Variants in TYW1B observed in about 807,000 individuals in gnomAD.
TYW1B encodes the protein tRNA-yW synthesizing protein 1 homolog B.
Under a neutral mutation model 86.9 loss-of-function variants are expected in TYW1B, and 73 were observed. The observed-to-expected ratio is 0.84, with a 90% CI of 0.70 to 1.02. TYW1B has a LOEUF of 1.02. Ranked by LOEUF, TYW1B falls within the 50% of genes least tolerant of loss-of-function variation. The pLI is 0.00. For missense variants in TYW1B, 637 were observed against 827.4 expected, an observed-to-expected ratio of 0.77 and a Z score of 2.82; for synonymous variants, 248 against 292.8, an observed-to-expected ratio of 0.85 and a Z score of 1.56.
intron 9 of TYW1B, among the ~76,000 whole-genome samples, chr7:72,723,372 C>A (rs1786940287): frequency 6.6e-6 from 1 of 152,220 alleles, no homozygotes; most frequent in East Asian, 1.9e-4. Flanking sequence ...TGCCTTCAAG[C>A]CTTTGAAATT....
chr7:72,756,523 C>T (rs1196228473), intron 7 of TYW1B, among the ~76,000 whole-genome samples: 4 of 152,022 alleles, frequency 2.6e-5, no homozygotes, highest in Non-Finnish European at 5.9e-5. Context: ...GTGTGAGCCA[C>T]GACACCCGGC....
chr7:72,750,864 A>T (rs185613588), intron 7 of TYW1B, among the ~76,000 whole-genome samples: 13 of 152,312 alleles, frequency 8.5e-5, no homozygotes, highest in African/African-American at 3.1e-4. Flanking sequence ...CATTCCAATG[A>T]GTATTTCCTT....
At chr7:72,821,132 CA>C (rs1170413244) in intron 2 of TYW1B, among the ~76,000 whole-genome samples, 3 of 152,180 alleles carry the variant, frequency 2.0e-5, no homozygotes, top group Non-Finnish European at 4.4e-5. Context: ...GCCACCACAC[CA>C]GGCTAATTTT....
intron 13 of TYW1B, among the ~76,000 whole-genome samples, chr7:72,608,034 C>CAGAA (rs1162101963): frequency 6.6e-6 from 1 of 152,102 alleles, no homozygotes; most frequent in Admixed American, 6.6e-5. Context: ...CCAGAGAAGT[C>CAGAA]AGAAAGAAAG....
At chr7:72,777,584 A>G (rs1787979031) in intron 6 of TYW1B, 51 bp from the exon 7 acceptor site, 9 of 1,602,654 alleles carry the variant, frequency 5.6e-6, no homozygotes, top group African/African-American at 1.3e-5. Context: ...TGCAATGTAA[A>G]TAACAGCACA....
rs782424404 is a variant in TYW1B, at chr7:72,687,447, T to C, written c.1506+7240A>G. On this transcript the variant is annotated intron_variant, in intron 11 of 13. Transcript: ENST00000620995. ...GAAACTCCACCTCAAAAAAATAAAA[T>C]AAATAAACTGGTAAAGACAGACTGG... is the stretch of plus-strand genomic sequence containing the variant. Among the ~76,000 whole-genome samples the C allele has an allele frequency of 4.6e-4, 70 of 151,992 alleles. 1 individual carries two copies. The highest frequency in any genetic ancestry group is 1.9e-3 in the Admixed American group (29 of 15,248).
chr7:72,780,668 G>A (rs1563091946), intron 6 of TYW1B, among the ~76,000 whole-genome samples: 1 of 152,148 alleles, frequency 6.6e-6, no homozygotes, highest in Non-Finnish European at 1.5e-5. Flanking sequence ...TAAAATGTGA[G>A]TGTTGCAACC....
chr7:72,784,246 G>A (rs782196631), intron 6 of TYW1B, among the ~76,000 whole-genome samples: 5 of 152,096 alleles, frequency 3.3e-5, no homozygotes, highest in Non-Finnish European at 7.4e-5. Context: ...CTGACTCATG[G>A]TTCTCTAAAC....
intron 6 of TYW1B, among the ~76,000 whole-genome samples, chr7:72,787,563 T>C (rs1369636203): frequency 6.6e-6 from 1 of 151,392 alleles, no homozygotes; most frequent in Non-Finnish European, 1.5e-5. Flanking sequence ...ACAAGGTCAA[T>C]GGATCAAGAC....
rs56146824 is a variant in TYW1B, at chr7:72,592,160, T to TAAAAAAA, written c.1786-16448_1786-16442dup. Among the ~76,000 whole-genome samples the TAAAAAAA allele has an allele frequency of 2.0e-3, 207 of 103,350 alleles. 4 individuals are homozygous for TAAAAAAA. The highest frequency in any genetic ancestry group is 8.4e-3 in the African/African-American group (203 of 24,246). 67.8% of individuals were successfully genotyped at this position (103,350 alleles called of 152,430 possible). On this transcript the variant is annotated intron_variant, in intron 13 of 13. Coordinates refer to ENST00000620995, the MANE Select transcript of TYW1B (RefSeq NM_001145440.3). ...TTTCTATGTTAACACACTAATGTGTTAAAAAAAAAAAAAAAAAAAAAAAAA... is the reference window on the plus strand; with the variant it reads ...TTTCTATGTTAACACACTAATGTGTTAAAAAAAAAAAAAAAAAAAAAAAAAAAAAAAA...
intron 11 of TYW1B, among the ~76,000 whole-genome samples, chr7:72,655,702 A>T (rs1813184880): frequency 6.6e-6 from 1 of 152,182 alleles, no homozygotes; most frequent in African/African-American, 2.4e-5. Context: ...GCCTAGGGCC[A>T]TAGTCACCGG....
rs548139646 is a variant in TYW1B at position 72,766,378 on chromosome 7, C to A, written c.964+11038G>T. Among the ~76,000 whole-genome samples, 23 of 151,226 alleles carry A rather than the reference C, an allele frequency of 1.5e-4. No individual in the cohort carries two copies. The South Asian group carries it at 3.8e-3, about 25-fold the overall frequency. On this transcript the variant is annotated intron_variant, in intron 7 of 13. Transcript: ENST00000620995. Reference sequence around the variant, plus strand: ...CGCCTATAATCCCACCTTTGGGAGGCCAAGGCGGGTGGATCACTTGAGGTC... The same window carrying A: ...CGCCTATAATCCCACCTTTGGGAGGACAAGGCGGGTGGATCACTTGAGGTC...
chr7:72,587,184 G>T lies in TYW1B; in HGVS notation c.1786-11465C>A, dbSNP rs549418825. ...TGTTAACTGCGTGGGAGTAGAGGAA[G>T]TCCAGGGGTCGTCTGAGGGAGAAGT... On this transcript the variant is annotated intron_variant, in intron 13 of 13. Transcript: ENST00000620995. Among the ~76,000 whole-genome samples the T allele has an allele frequency of 2.6e-5, 4 of 152,264 alleles. No homozygotes were observed. The East Asian group carries it at 5.8e-4, about 22-fold the overall frequency.
Position 72,828,109 on chromosome 7 carries a change from G to A in TYW1B, c.-34C>T, listed in dbSNP as rs1554481821. ...GAGCCGACAGGAGACTAGGATCTCG[G>A]ACCTGGAGAGCCCAAAGGTTCGCAC... is the stretch of plus-strand genomic sequence containing the variant. On this transcript the variant is annotated 5_prime_UTR_variant, in exon 1 of 14. Coordinates refer to ENST00000620995, the MANE Select transcript of TYW1B (RefSeq NM_001145440.3). 5 of 1,613,422 alleles carry A rather than the reference G, an allele frequency of 3.1e-6. No individual in the cohort carries two copies. The Admixed American group carries it at 8.3e-5, about 27-fold the overall frequency.
intron 11 of TYW1B, among the ~76,000 whole-genome samples, chr7:72,655,940 C>T (rs1813191574): frequency 6.6e-6 from 1 of 152,224 alleles, no homozygotes; most frequent in Admixed American, 6.5e-5. Context: ...CCATGGCACA[C>T]TGCCTGGGGC....
chr7:72,809,782 CT>C (rs1277233654), intron 4 of TYW1B, among the ~76,000 whole-genome samples: 1 of 152,104 alleles, frequency 6.6e-6, no homozygotes, highest in African/African-American at 2.4e-5. Flanking sequence ...GGTGGATCAC[CT>C]GAGGTCAGGA....
At chr7:72,677,235 G>A (rs1813756876) in intron 11 of TYW1B, among the ~76,000 whole-genome samples, 1 of 151,980 alleles carries the variant, frequency 6.6e-6, no homozygotes, top group African/African-American at 2.4e-5. Flanking sequence ...TGCAGCCTCG[G>A]CCTCTTGAGC....
intron 6 of TYW1B, among the ~76,000 whole-genome samples, chr7:72,791,383 G>A (rs189295225): frequency 4.4e-4 from 64 of 146,668 alleles, no homozygotes; most frequent in East Asian, 2.6e-3. Flanking sequence ...TCAATGCAGC[G>A]CGACAGCATT....
chr7:72,721,360 T>C (rs1227085210), intron 9 of TYW1B, among the ~76,000 whole-genome samples: 4 of 152,156 alleles, frequency 2.6e-5, no homozygotes, highest in Non-Finnish European at 5.9e-5. Context: ...TACAGTCCCA[T>C]CAACGGTGTA....
Sources: allele counts gnomAD v4.1 joint callset (sites outside exome capture counted in the v4.1 genomes callset), GRCh38; gene constraint gnomAD v4.1.1; transcripts MANE v1.5; gene names NCBI Gene and HGNC (gene_info 2026-07-23, HGNC 2026-07-21).